Variants in DTNA observed in about 807,000 individuals in gnomAD.
DTNA encodes dystrobrevin alpha.
In DTNA, 43 loss-of-function variants were observed where a neutral mutation model predicts 100.7. The ratio of observed to expected loss-of-function variants is 0.43; its 90% CI spans 0.33 to 0.55. The LOEUF (loss-of-function observed/expected upper bound fraction) is 0.55, where lower values mean the gene tolerates loss of function less well. Ranked by LOEUF, DTNA falls within the 20% of genes least tolerant of loss-of-function variation. The pLI, the probability that DTNA is intolerant of heterozygous loss-of-function variation, is 0.04. For synonymous variants in DTNA, 349 were observed against 347.9 expected (o/e 1.00, Z -0.04); for missense variants, 798 against 953.9 (o/e 0.84, Z 2.15).
chr18:34,707,935 C>T (rs1233959005), upstream of DTNA, among the ~76,000 whole-genome samples: 1 of 152,164 alleles, frequency 6.6e-6, no homozygotes, highest in Non-Finnish European at 1.5e-5. Context: ...AGTGCCAAAG[C>T]TATTTTAATC....
At chr18:34,846,236 G>A (rs2096375830) in intron 13 of DTNA, among the ~76,000 whole-genome samples, 1 of 151,922 alleles carries the variant, frequency 6.6e-6, no homozygotes, top group Admixed American at 6.6e-5. Context: ...ATCCCTAGGT[G>A]ATATGCTTAC....
chr18:34,773,119 G>A (rs2093868777), intron 3 of DTNA, among the ~76,000 whole-genome samples: 1 of 152,132 alleles, frequency 6.6e-6, no homozygotes, highest in South Asian at 2.1e-4. Flanking sequence ...AAGTCTCCTT[G>A]CTTTTCAGTG....
Position 34,879,569 on chromosome 18 carries a change from A to T in DTNA, c.2012A>T (p.Glu671Val), listed in dbSNP as rs1481025468. Residue 671 changes from glutamate (E) to valine (V), a missense_variant, in exon 20 of 23, where the codon GAG becomes GTG. By Grantham distance (121) the Glu-to-Val change is moderately radical (BLOSUM62 -2). Coordinates refer to ENST00000444659, the MANE Select transcript of DTNA (RefSeq NM_001386795.1). ...CTGCTAGAGGTTGGGAGTGAAACAG[A>T]GAGTAATGTGGATTCTGAATTTGCA... ...ELNSEVGSETESNVDSEFART... is the reference protein window; with the variant it reads ...ELNSEVGSETVSNVDSEFART... The T allele has an allele frequency of 1.9e-6, 3 of 1,614,074 alleles. No individual in the cohort carries two copies. The East Asian group carries it at 6.7e-5, about 36-fold the overall frequency.
chr18:34,586,870 A>C (rs1008864433), intron 1 of DTNA, among the ~76,000 whole-genome samples: 1 of 152,190 alleles, frequency 6.6e-6, no homozygotes, highest in Admixed American at 6.5e-5. Context: ...AGTGATGGAC[A>C]TATTTATGAT....
At chr18:34,802,938 C>T (rs1027799824) in intron 4 of DTNA, among the ~76,000 whole-genome samples, 1 of 152,092 alleles carries the variant, frequency 6.6e-6, no homozygotes, top group African/African-American at 2.4e-5. Context: ...ATTGGACACC[C>T]TCCTCTTCAC....
chr18:34,653,492 G>GAA (rs369152154), intron 1 of DTNA, among the ~76,000 whole-genome samples: 42 of 146,094 alleles, frequency 2.9e-4, no homozygotes, highest in African/African-American at 8.7e-4. Context: ...GAAAGAACAA[G>GAA]AAAAAAAAAA....
intron 1 of DTNA, among the ~76,000 whole-genome samples, chr18:34,608,045 A>G (rs1325855687): frequency 6.6e-6 from 1 of 152,244 alleles, no homozygotes; most frequent in African/African-American, 2.4e-5. Context: ...ATGGATGCCA[A>G]TTAAGGGAAG....
chr18:34,859,848 T>C (rs981612481), intron 16 of DTNA, among the ~76,000 whole-genome samples: 1 of 152,186 alleles, frequency 6.6e-6, no homozygotes, highest in Non-Finnish European at 1.5e-5. Flanking sequence ...ACTCCCACGC[T>C]GCAAAATGAG....
chr18:34,718,616 C>G (rs539867516), intron 1 of DTNA, among the ~76,000 whole-genome samples: 1 of 152,182 alleles, frequency 6.6e-6, no homozygotes, highest in Non-Finnish European at 1.5e-5. Context: ...CTTCCAAAGC[C>G]TTATGATCAC....
intron 11 of DTNA, among the ~76,000 whole-genome samples, chr18:34,832,221 C>T (rs755633043): frequency 2.0e-5 from 3 of 152,218 alleles, no homozygotes; most frequent in Non-Finnish European, 4.4e-5. Context: ...CAACATCTGG[C>T]ACCACCCTGA....
At chr18:34,669,393 G>C (rs367705060) in intron 1 of DTNA, among the ~76,000 whole-genome samples, 1 of 152,112 alleles carries the variant, frequency 6.6e-6, no homozygotes. Context: ...TTGCCAGTCT[G>C]TGTCTTTTAA....
intron 11 of DTNA, among the ~76,000 whole-genome samples, chr18:34,836,660 A>G (rs558607359): frequency 6.6e-6 from 1 of 152,084 alleles, no homozygotes; most frequent in East Asian, 1.9e-4. Flanking sequence ...AAAAAAAAAA[A>G]AAAAAAAAGG....
At chr18:34,788,092 G>A (rs1037817313) in intron 3 of DTNA, among the ~76,000 whole-genome samples, 6 of 152,114 alleles carry the variant, frequency 3.9e-5, no homozygotes, top group Non-Finnish European at 8.8e-5. Context: ...TCTATTAATG[G>A]ACGACTGGTT....
rs561352489 is a variant in DTNA, at chr18:34,835,658, C to G, written c.1176-2436C>G. ...GCCCTACCTGTACACAGTACTGAGG[C>G]TAGGGCTCCTCCATGCTTGGGCTTT... On this transcript the variant is annotated intron_variant, in intron 11 of 22. Coordinates refer to ENST00000444659, the MANE Select transcript of DTNA (RefSeq NM_001386795.1). Among the ~76,000 whole-genome samples the G allele has an allele frequency of 2.0e-5, 3 of 152,334 alleles. No homozygotes were observed. In the South Asian group the frequency reaches 6.2e-4, roughly 32 times the overall value.
intron 9 of DTNA, among the ~76,000 whole-genome samples, chr18:34,826,245 C>T (rs1278962461): frequency 3.3e-5 from 5 of 151,624 alleles, no homozygotes; most frequent in Admixed American, 2.6e-4. Flanking sequence ...TTTTATTTTT[C>T]CATAAGTTAT....
chr18:34,828,391 A>C (rs1568674645), intron 10 of DTNA, among the ~76,000 whole-genome samples: 1 of 152,240 alleles, frequency 6.6e-6, no homozygotes, highest in Non-Finnish European at 1.5e-5. Context: ...GGCTCACGGG[A>C]AAGCAAAAAC....
intron 1 of DTNA, among the ~76,000 whole-genome samples, chr18:34,746,775 C>T (rs1219007342): frequency 6.6e-6 from 1 of 152,134 alleles, no homozygotes; most frequent in Non-Finnish European, 1.5e-5. Context: ...CAAAAAGTTC[C>T]TTTCCACCCA....
At chr18:34,884,697 C>T in intron 21 of DTNA, 31 bp from the exon 22 acceptor site, 1 of 1,613,964 alleles carries the variant, frequency 6.2e-7, no homozygotes, top group Non-Finnish European at 8.5e-7. Context: ...GACGTGTCAC[C>T]TTTCTCGTTT....
intron 11 of DTNA, among the ~76,000 whole-genome samples, chr18:34,833,342 A>AT (rs1190798921): frequency 1.3e-5 from 2 of 151,662 alleles, no homozygotes; most frequent in Non-Finnish European, 2.9e-5. Flanking sequence ...TAAGGGGATA[A>AT]TTTTTTTAAT....
Sources: allele counts gnomAD v4.1 joint callset (sites outside exome capture counted in the v4.1 genomes callset), GRCh38; gene constraint gnomAD v4.1.1; transcripts MANE v1.5; gene names NCBI Gene and HGNC (gene_info 2026-07-23, HGNC 2026-07-21).